The following PTPRD variants were observed in gnomAD, a reference collection of about 807,000 sequenced individuals.
The protein encoded by PTPRD is receptor-type tyrosine-protein phosphatase delta.
PTPRD carries 34 observed loss-of-function variants against 214.5 expected under a neutral mutation model. The observed-to-expected ratio is 0.16, with a 90% CI of 0.12 to 0.21. PTPRD has a LOEUF of 0.21. Ranked by LOEUF, PTPRD falls within the 10% of genes least tolerant of loss-of-function variation. The pLI is 1.00. For synonymous variants in PTPRD, 1,128 were observed against 845.7 expected (o/e 1.33, Z -5.79); for missense variants, 2,545 against 2,398.7 (o/e 1.06, Z -1.27).
chr9:10,400,629 GA>G (rs2098254143), intron 2 of PTPRD, among the ~76,000 whole-genome samples: 1 of 151,496 alleles, frequency 6.6e-6, no homozygotes, highest in African/African-American at 2.4e-5. Context: ...TAGCAAGTTT[GA>G]AAGGATTAGT....
intron 10 of PTPRD, among the ~76,000 whole-genome samples, chr9:9,139,196 T>C (rs2099856092): frequency 6.6e-6 from 1 of 151,412 alleles, no homozygotes; most frequent in Non-Finnish European, 1.5e-5. Context: ...TTTACTATGT[T>C]TTTTTCTGTA....
At chr9:9,030,917 G>A (rs893545513) in intron 10 of PTPRD, among the ~76,000 whole-genome samples, 4 of 151,914 alleles carry the variant, frequency 2.6e-5, no homozygotes, top group Non-Finnish European at 2.9e-5. Context: ...TTATTCATAT[G>A]TAGTGGTGGA....
chr9:10,501,256 C>A (rs1258824123), intron 2 of PTPRD, among the ~76,000 whole-genome samples: 1 of 151,962 alleles, frequency 6.6e-6, no homozygotes, highest in Admixed American at 6.6e-5. Flanking sequence ...GATGATATCT[C>A]ATTGTAGTCT....
chr9:8,452,789 C>G (rs909512098), intron 33 of PTPRD, among the ~76,000 whole-genome samples: 4 of 152,100 alleles, frequency 2.6e-5, no homozygotes. Flanking sequence ...ACAAATGCTA[C>G]TCTGGTCTAC....
At chr9:9,128,523 A>C (rs2099837633) in intron 10 of PTPRD, among the ~76,000 whole-genome samples, 1 of 152,234 alleles carries the variant, frequency 6.6e-6, no homozygotes. Context: ...TGGCTAAATG[A>C]TACAAGGCTA....
intron 11 of PTPRD, among the ~76,000 whole-genome samples, chr9:8,878,213 G>A (rs1205953256): frequency 1.3e-5 from 2 of 152,126 alleles, no homozygotes; most frequent in Admixed American, 1.3e-4. Flanking sequence ...TTGATCATTC[G>A]TAGGAGATTG....
chr9:9,233,003 C>T (rs1349464361), intron 9 of PTPRD, among the ~76,000 whole-genome samples: 1 of 152,098 alleles, frequency 6.6e-6, no homozygotes, highest in African/African-American at 2.4e-5. Flanking sequence ...CCAACCTTGT[C>T]CAATAATAGC....
chr9:8,882,514 C>T (rs1309655628), intron 11 of PTPRD, among the ~76,000 whole-genome samples: 1 of 152,096 alleles, frequency 6.6e-6, no homozygotes, highest in Admixed American at 6.5e-5. Flanking sequence ...AGGTTCAGAA[C>T]CTTTATAGCT....
chr9:10,440,277 T>C (rs990377477), intron 2 of PTPRD, among the ~76,000 whole-genome samples: 1 of 151,770 alleles, frequency 6.6e-6, no homozygotes, highest in East Asian at 1.9e-4. Flanking sequence ...TTTTCTAAGA[T>C]TGCAAAAAGT....
chr9:9,616,635 G>A (rs2094883503), intron 7 of PTPRD, among the ~76,000 whole-genome samples: 1 of 151,902 alleles, frequency 6.6e-6, no homozygotes. Context: ...AAACTCGTTG[G>A]GGCTAAAACA....
At chr9:8,821,289 GTC>G (rs756513509) in intron 11 of PTPRD, among the ~76,000 whole-genome samples, 3 of 149,852 alleles carry the variant, frequency 2.0e-5, no homozygotes, top group African/African-American at 2.5e-5. Flanking sequence ...CTCTCTCTCT[GTC>G]TCTCTCTCTC....
At position 8,541,440 on chromosome 9, in the gene PTPRD, A is replaced by T. The variant is rs543680443; in HGVS notation, c.353-12661T>A. 8.5e-5 allele frequency among the ~76,000 whole-genome samples: 13 copies of T among 152,268 alleles called. No homozygotes were observed. The East Asian group carries it at 2.5e-3, about 29-fold the overall frequency. On this transcript the variant is annotated intron_variant, in intron 14 of 45. Coordinates refer to ENST00000381196, the MANE Select transcript of PTPRD (RefSeq NM_002839.4). ...AGAGATGGGTCTCACTAAGTTGCCC[A>T]GGCTAGTCTGAAACTCCTGAGTTCA... is the stretch of plus-strand genomic sequence containing the variant.
chr9:9,995,131 C>T (rs1364121694), intron 4 of PTPRD, among the ~76,000 whole-genome samples: 1 of 152,060 alleles, frequency 6.6e-6, no homozygotes, highest in African/African-American at 2.4e-5. Context: ...ATTATTCTGG[C>T]TACTTTTTGC....
Position 9,833,824 on chromosome 9 carries a change from G to A in PTPRD, c.-367-66973C>T, listed in dbSNP as rs992205542. Among the ~76,000 whole-genome samples the A allele has an allele frequency of 3.3e-5, 5 of 152,116 alleles. No individual in the cohort carries two copies. In the South Asian group the frequency reaches 6.2e-4, roughly 19 times the overall value. Reference sequence around the variant, plus strand: ...ATGGCTCTGTTCTGCCCGGCTCACCGGTGGTCAGAGCTTAAGGTTATGTCT... The same window carrying A: ...ATGGCTCTGTTCTGCCCGGCTCACCAGTGGTCAGAGCTTAAGGTTATGTCT... On this transcript the variant is annotated intron_variant, in intron 5 of 45. Coordinates refer to ENST00000381196, the MANE Select transcript of PTPRD (RefSeq NM_002839.4).
intron 4 of PTPRD, among the ~76,000 whole-genome samples, chr9:9,984,549 T>G (rs929689783): frequency 1.3e-5 from 2 of 152,114 alleles, no homozygotes; most frequent in African/African-American, 4.8e-5. Flanking sequence ...TAGGTGGGTG[T>G]ATGGGTACAC....
intron 2 of PTPRD, among the ~76,000 whole-genome samples, chr9:10,361,127 A>C (rs2154469892): frequency 6.6e-6 from 1 of 152,222 alleles, no homozygotes; most frequent in Middle Eastern, 3.4e-3. Flanking sequence ...ATAAACAAAA[A>C]ATTGTCATTA....
At chr9:9,114,219 G>A (rs2099809954) in intron 10 of PTPRD, among the ~76,000 whole-genome samples, 1 of 152,180 alleles carries the variant, frequency 6.6e-6, no homozygotes, top group South Asian at 2.1e-4. Context: ...TTTCTACAGG[G>A]TAGTTCGGGT....
Position 9,761,355 on chromosome 9 carries a change from G to C in PTPRD, c.-326+5455C>G, listed in dbSNP as rs899068449. ...CATTTTAGAAATGGAAGACAGAGTAGTGTTGCCAGGAAGTATTGTTTAGGA... is the reference window on the plus strand; with the variant it reads ...CATTTTAGAAATGGAAGACAGAGTACTGTTGCCAGGAAGTATTGTTTAGGA... On this transcript the variant is annotated intron_variant, in intron 6 of 45. Transcript: ENST00000381196. 3.3e-5 allele frequency among the ~76,000 whole-genome samples: 5 copies of C among 152,178 alleles called. No homozygotes were observed. The South Asian group carries it at 6.2e-4, about 19-fold the overall frequency.
chr9:10,399,370 G>A (rs2098231458), intron 2 of PTPRD, among the ~76,000 whole-genome samples: 1 of 151,856 alleles, frequency 6.6e-6, no homozygotes, highest in Non-Finnish European at 1.5e-5. Flanking sequence ...ACACAGTAGT[G>A]GTTTTAAGCA....
Sources: gnomAD v4.1 joint callset for allele counts (sites outside exome capture counted in the v4.1 genomes callset) on GRCh38, gnomAD v4.1.1 for gene constraint, MANE v1.5 for transcripts, NCBI Gene and HGNC (gene_info 2026-07-23, HGNC 2026-07-21) for gene names.